GATA4: variants seen among roughly 807,000 people sequenced by gnomAD.
GATA4 encodes the protein transcription factor GATA-4.
A neutral mutation model predicts 37.9 loss-of-function variants in GATA4; 7 were observed. The observed-to-expected ratio is 0.18, with a 90% CI of 0.11 to 0.35. GATA4 has a LOEUF of 0.35. Among genes scored for constraint, GATA4 ranks in the 10% least tolerant of loss-of-function variants. The probability of loss-of-function intolerance (pLI) is 1.00; values close to 1 mark genes in which losing one functional copy is unlikely to be tolerated. For missense variants in GATA4, 647 were observed against 653.0 expected, an observed-to-expected ratio of 0.99 and a Z score of 0.10; for synonymous variants, 372 against 292.6, an observed-to-expected ratio of 1.27 and a Z score of -2.77.
intron 1 of GATA4, among the ~76,000 whole-genome samples, chr8:11,686,954 C>T (rs938463357): frequency 4.0e-5 from 6 of 151,266 alleles, no homozygotes; most frequent in South Asian, 2.1e-4. Context: ...AGCGAGATTG[C>T]GCCATTGCAC....
In GATA4 at chr8:11,739,697, A is replaced by C. The variant is rs1043406623; in HGVS notation, c.617-9219A>C. ...GGCCGCCTCATGGGACTCTCTAGGC[A>C]CTGGGTTTGTTGAAACTCGATGGCT... On this transcript the variant is annotated intron_variant, in intron 2 of 6. Coordinates refer to ENST00000532059, the MANE Select transcript of GATA4 (RefSeq NM_001308093.3). Among the ~76,000 whole-genome samples, 66 of 151,758 alleles carry C rather than the reference A, an allele frequency of 4.3e-4. 2 individuals are homozygous for C. Among genetic ancestry groups the C allele is most frequent in the Non-Finnish European group, 7.4e-5 (5 of 67,990 alleles).
chr8:11,694,361 T>A (rs1029068044), intron 1 of GATA4: 14 of 317,780 alleles, frequency 4.4e-5, no homozygotes, highest in African/African-American at 2.9e-4. Flanking sequence ...ATTGCCCCAT[T>A]GAACCGTTGC....
At chr8:11,756,523 G>A in intron 5 of GATA4, 1 of 281,566 alleles carries the variant, frequency 3.6e-6, no homozygotes, top group Non-Finnish European at 6.9e-6. Flanking sequence ...ACACTAGGCT[G>A]TTGATAGTCT....
Position 11,754,113 on chromosome 8 carries a change from A to G in GATA4, c.913-933A>G, listed in dbSNP as rs77262056. Among the ~76,000 whole-genome samples, 50 of 152,338 alleles carry G rather than the reference A, an allele frequency of 3.3e-4. No individual in the cohort carries two copies. The East Asian group carries it at 8.7e-3, about 26-fold the overall frequency. On this transcript the variant is annotated intron_variant, in intron 4 of 6. Coordinates refer to ENST00000532059, the MANE Select transcript of GATA4 (RefSeq NM_001308093.3). ...GCACCAATGGCTCCAGCCAGACCCAATGCAGTACAGAGCTGCAATAAGTAG... is the reference window on the plus strand; with the variant it reads ...GCACCAATGGCTCCAGCCAGACCCAGTGCAGTACAGAGCTGCAATAAGTAG...
intron 2 of GATA4, among the ~76,000 whole-genome samples, chr8:11,730,927 G>C (rs1186703114): frequency 6.6e-6 from 1 of 152,200 alleles, no homozygotes; most frequent in Admixed American, 6.5e-5. Context: ...CACATTTCAG[G>C]GCATGTGGCC....
At chr8:11,680,368 A>T in intron 1 of GATA4, 1 of 528,210 alleles carries the variant, frequency 1.9e-6, no homozygotes, top group Non-Finnish European at 2.4e-6. Context: ...GCAAGTAACT[A>T]ACCAGGCCCC....
chr8:11,693,479 A>C (rs1045928772), intron 1 of GATA4, among the ~76,000 whole-genome samples: 81 of 76,962 alleles, frequency 1.1e-3, no homozygotes, highest in African/African-American at 3.3e-3. Flanking sequence ...GGGAGAAAGA[A>C]GAGAGAGAGA....
At chr8:11,694,354 G>T in intron 1 of GATA4, 2 of 246,342 alleles carry the variant, frequency 8.1e-6, no homozygotes, top group Non-Finnish European at 1.3e-5. Flanking sequence ...TCCCAGCATT[G>T]CCCCATTGAA....
At chr8:11,710,724 C>T (rs1476519890) in intron 2 of GATA4, among the ~76,000 whole-genome samples, 1 of 146,498 alleles carries the variant, frequency 6.8e-6, no homozygotes, top group Non-Finnish European at 1.5e-5. Context: ...AGGACTGGTC[C>T]AGGGAGAGTT....
chr8:11,696,439 T>G (rs569344807), intron 1 of GATA4, among the ~76,000 whole-genome samples: 1 of 152,082 alleles, frequency 6.6e-6, no homozygotes, highest in Non-Finnish European at 1.5e-5. Context: ...CTGGGGTGTT[T>G]GTTGTTCATT....
At chr8:11,717,496 G>T (rs1800488200) in intron 2 of GATA4, among the ~76,000 whole-genome samples, 1 of 152,166 alleles carries the variant, frequency 6.6e-6, no homozygotes, top group African/African-American at 2.4e-5. Context: ...GTAATCTCAG[G>T]TCCCCGTGGG....
intron 2 of GATA4, among the ~76,000 whole-genome samples, chr8:11,743,893 A>C (rs1170787568): frequency 2.0e-5 from 3 of 152,322 alleles, no homozygotes; most frequent in East Asian, 3.9e-4. Flanking sequence ...TTTAAAAAAA[A>C]CTTTTTTTAG....
chr8:11,705,715 G>C (rs1029727910), intron 1 of GATA4, among the ~76,000 whole-genome samples: 2 of 152,204 alleles, frequency 1.3e-5, no homozygotes, highest in Non-Finnish European at 2.9e-5. Context: ...TTATAGAGGA[G>C]TATTTTCTCC....
At chr8:11,703,846 T>C (rs1327574221), upstream of GATA4, among the ~76,000 whole-genome samples, 3 of 152,122 alleles carry the variant, frequency 2.0e-5, no homozygotes, top group African/African-American at 4.8e-5. Flanking sequence ...TCTTCTCTAC[T>C]GGCCCCGCCC....
intron 1 of GATA4, among the ~76,000 whole-genome samples, chr8:11,679,681 T>G (rs55994985): frequency 0.34 from 51,610 of 152,032 alleles, 10,887 homozygotes; most frequent in Non-Finnish European, 0.46. Context: ...GAGCCCTGAG[T>G]GGGCCGGGTG....
intron 5 of GATA4, among the ~76,000 whole-genome samples, chr8:11,755,335 A>T (rs1218859295): frequency 1.3e-5 from 2 of 152,218 alleles, no homozygotes; most frequent in African/African-American, 2.4e-5. Context: ...GAGCTTTCGA[A>T]GCAGGCTCAA....
At chr8:11,752,084 G>A (rs10094370) in intron 4 of GATA4, among the ~76,000 whole-genome samples, 4,568 of 152,196 alleles carry the variant, frequency 0.03, 211 homozygotes, top group African/African-American at 0.1. Flanking sequence ...CCAAAATGTG[G>A]AATATTGAGA....
Position 11,683,091 on chromosome 8 carries a change from G to A in GATA4, c.-274+6028G>A, listed in dbSNP as rs554090771. On this transcript the variant is annotated intron_variant, in intron 1 of 6. Transcript: ENST00000528712. Reference sequence around the variant, plus strand: ...CCCCCTAGGTTTTCCCAGCCTTCTCGCCGGATTGCCTTGGAAAGCTCTTGG... The same window carrying A: ...CCCCCTAGGTTTTCCCAGCCTTCTCACCGGATTGCCTTGGAAAGCTCTTGG... 25 of 984,576 alleles carry A rather than the reference G, an allele frequency of 2.5e-5. No individual in the cohort carries two copies. In the African/African-American group the frequency reaches 4.4e-4, roughly 17 times the overall value. 61.0% of individuals were successfully genotyped at this position (984,576 alleles called of 1,614,324 possible).
At chr8:11,733,850 C>T (rs1462523676) in intron 2 of GATA4, among the ~76,000 whole-genome samples, 1 of 152,156 alleles carries the variant, frequency 6.6e-6, no homozygotes, top group African/African-American at 2.4e-5. Context: ...ATGAGACTTG[C>T]TTTGATCAAG....
Sources: gnomAD v4.1 joint callset for allele counts (sites outside exome capture counted in the v4.1 genomes callset) on GRCh38, gnomAD v4.1.1 for gene constraint, MANE v1.5 for transcripts, NCBI Gene and HGNC (gene_info 2026-07-23, HGNC 2026-07-21) for gene names.